Variants in HK1 observed in about 807,000 individuals in gnomAD.
The protein encoded by HK1 is hexokinase 1.
HK1 carries 28 observed loss-of-function variants against 91.6 expected under a neutral mutation model. That is an observed-to-expected ratio of 0.31 (90% CI 0.23 to 0.42). The LOEUF (loss-of-function observed/expected upper bound fraction) is 0.42, where lower values mean the gene tolerates loss of function less well. Among genes scored for constraint, HK1 ranks in the 10% least tolerant of loss-of-function variants. HK1 has a pLI of 1.00. For missense variants in HK1, 770 were observed against 1,219.8 expected, an observed-to-expected ratio of 0.63 and a Z score of 5.49; for synonymous variants, 430 against 468.1, an observed-to-expected ratio of 0.92 and a Z score of 1.05.
chr10:69,306,197 A>G (rs1475796970), intron 5 of HK1, among the ~76,000 whole-genome samples: 6 of 151,872 alleles, frequency 4.0e-5, no homozygotes, highest in African/African-American at 4.8e-5. Flanking sequence ...TACTAAAAAT[A>G]CAAAAAAAAA....
At chr10:69,270,006 T>A (rs1380457846) in exon 1 of HK1, 1 of 152,238 alleles carries the variant, frequency 6.6e-6, no homozygotes, top group African/African-American at 2.4e-5. Flanking sequence ...AGGGAAAACA[T>A]CTATCTTGCT....
At chr10:69,378,008 A>G (rs931117570) in intron 8 of HK1, among the ~76,000 whole-genome samples, 1 of 152,226 alleles carries the variant, frequency 6.6e-6, no homozygotes. Flanking sequence ...GAGGTTAGAG[A>G]AGGCAGCTGC....
chr10:69,344,973 T>C (rs185812093), intron 2 of HK1, among the ~76,000 whole-genome samples: 11 of 152,148 alleles, frequency 7.2e-5, no homozygotes, highest in Admixed American at 7.2e-4. Flanking sequence ...CCCTGCGATT[T>C]CTTCCCTGCT....
At chr10:69,314,349 A>G (rs1474853137), upstream of HK1, among the ~76,000 whole-genome samples, 1 of 152,190 alleles carries the variant, frequency 6.6e-6, no homozygotes, top group Admixed American at 6.5e-5. Context: ...GGGCTTGGAC[A>G]TCAGCATTTG....
chr10:69,316,536 G>T (rs1451959948), upstream of HK1, among the ~76,000 whole-genome samples: 1 of 152,238 alleles, frequency 6.6e-6, no homozygotes, highest in African/African-American at 2.4e-5. Flanking sequence ...TTCATGGAGT[G>T]GGGAGGAATG....
chr10:69,306,729 T>C (rs1846126533), intron 5 of HK1, among the ~76,000 whole-genome samples: 1 of 152,190 alleles, frequency 6.6e-6, no homozygotes, highest in Non-Finnish European at 1.5e-5. Flanking sequence ...TGTACATTGT[T>C]TGGGTGAAAT....
chr10:69,312,212 A>C (rs182533344), upstream of HK1, among the ~76,000 whole-genome samples: 98 of 152,168 alleles, frequency 6.4e-4, no homozygotes, highest in Admixed American at 4.3e-3. Flanking sequence ...GATTACCCTA[A>C]CCCTTCAATG....
chr10:69,390,843 C>T (rs1421197832), intron 14 of HK1, among the ~76,000 whole-genome samples: 1 of 152,164 alleles, frequency 6.6e-6, no homozygotes, highest in Non-Finnish European at 1.5e-5. Flanking sequence ...GATCCAGGTG[C>T]ATATTAAAGT....
intron 3 of HK1, among the ~76,000 whole-genome samples, chr10:69,289,773 ATTT>A (rs35585147): frequency 3.1e-4 from 42 of 135,522 alleles, no homozygotes; most frequent in Admixed American, 3.7e-4. Context: ...CACCCGGCCA[ATTT>A]TTTTTTTTTT....
chr10:69,393,577 G>A (rs1039110541), intron 15 of HK1, among the ~76,000 whole-genome samples: 1 of 152,240 alleles, frequency 6.6e-6, no homozygotes, highest in East Asian at 1.9e-4. Context: ...GATTATAGGC[G>A]TGAGCCACCG....
chr10:69,351,704 G>A (rs1848885572), intron 2 of HK1, among the ~76,000 whole-genome samples: 1 of 152,134 alleles, frequency 6.6e-6, no homozygotes, highest in Admixed American at 6.6e-5. Context: ...ATACATTATG[G>A]CTTCGGATTC....
intron 1 of HK1, 49 bp from the exon 2 acceptor site, chr10:69,343,778 C>T (rs1589514743): frequency 6.0e-6 from 9 of 1,507,008 alleles, no homozygotes; most frequent in East Asian, 2.2e-5. Flanking sequence ...CTCACCTTGC[C>T]CTGTCCTCCC....
In HK1 at chr10:69,369,123, A is replaced by C. The variant is rs904857338; in HGVS notation, c.592-114A>C. On this transcript the variant is annotated intron_variant, in intron 5 of 17. Transcript: ENST00000359426. This position sits in a 1 kb window ranked among gnomAD's most constrained non-coding sequence, Gnocchi z 4.4. ...TACCAGCTGTAATGAAACCAGTACCACTCACAAAAGCAGGGGTTCTGAAAA... is the reference window on the plus strand; with the variant it reads ...TACCAGCTGTAATGAAACCAGTACCCCTCACAAAAGCAGGGGTTCTGAAAA... 3 of 762,356 alleles carry C rather than the reference A, an allele frequency of 3.9e-6. No homozygotes were observed. The Admixed American group carries it at 5.9e-5, about 15-fold the overall frequency. 47.2% of individuals were successfully genotyped at this position (762,356 alleles called of 1,614,324 possible). A position where few individuals can be genotyped will look rare whatever the true frequency, so the allele number is the denominator to read the frequency against.
intron 13 of HK1, among the ~76,000 whole-genome samples, chr10:69,388,332 A>C (rs751222180): frequency 6.0e-4 from 92 of 152,160 alleles, no homozygotes; most frequent in Non-Finnish European, 1.0e-3. Flanking sequence ...CTGTGGTCCC[A>C]CCTACTGAGG....
At position 69,376,985 on chromosome 10, in the gene HK1, C is replaced by A. The variant is rs1020132610; in HGVS notation, c.927C>A (p.Ile309=). Residue 309 remains isoleucine, a synonymous_variant, in exon 8 of 18, where the codon ATC becomes ATA. Coordinates refer to ENST00000359426, the MANE Select transcript of HK1 (RefSeq NM_000188.3). ...ACTTGGGAGAGCTGGTTCGACTGAT[C>A]CTAGTCAAGATGGCCAAGGAGGGCC... ...GMYLGELVRL[I]LVKMAKEGLL... 1 of 1,614,090 alleles carries A rather than the reference C, an allele frequency of 6.2e-7. No homozygotes were observed. The highest frequency in any genetic ancestry group is 2.2e-5 in the East Asian group (1 of 44,882).
chr10:69,276,586 GA>G (rs1386325716), intron 1 of HK1, among the ~76,000 whole-genome samples: 1 of 152,006 alleles, frequency 6.6e-6, no homozygotes, highest in Admixed American at 6.6e-5. Context: ...TCCAACCCGG[GA>G]GGCGGAGGTT....
intron 3 of HK1, among the ~76,000 whole-genome samples, chr10:69,360,730 C>T (rs540926343): frequency 2.0e-5 from 3 of 152,210 alleles, no homozygotes; most frequent in East Asian, 3.9e-4. Context: ...TCTCTGGGTG[C>T]GGGGAGTGGT....
chr10:69,361,104 T>C (rs1243901044), intron 3 of HK1, among the ~76,000 whole-genome samples: 3 of 152,250 alleles, frequency 2.0e-5, no homozygotes, highest in Admixed American at 1.3e-4. Context: ...CCAAGCCTTT[T>C]CTTTGTCCAA....
chr10:69,389,601 C>T (rs940249612), intron 14 of HK1, among the ~76,000 whole-genome samples: 2 of 151,784 alleles, frequency 1.3e-5, no homozygotes, highest in South Asian at 2.1e-4. Flanking sequence ...AGACAGGTAC[C>T]TGGAGCGGGC....
Sources: allele counts gnomAD v4.1 joint callset (sites outside exome capture counted in the v4.1 genomes callset), GRCh38; gene constraint gnomAD v4.1.1; non-coding constraint Gnocchi (gnomAD v3.1); transcripts MANE v1.5; gene names NCBI Gene and HGNC (gene_info 2026-07-23, HGNC 2026-07-21).